The following RGS6 variants were observed in gnomAD, a reference collection of about 807,000 sequenced individuals.
The protein encoded by RGS6 is regulator of G protein signaling 6, also known as regulator of G-protein signaling 6.
In RGS6, 30 loss-of-function variants were observed where a neutral mutation model predicts 78.5. That is an observed-to-expected ratio of 0.38 (90% CI 0.29 to 0.52). The LOEUF is 0.52. RGS6 is among the 20% of genes least tolerant of loss of function. RGS6 has a pLI of 0.85. For synonymous variants in RGS6, 206 were observed against 206.0 expected (o/e 1.00, Z 0.00); for missense variants, 495 against 609.7 (o/e 0.81, Z 1.98).
intron 2 of RGS6, among the ~76,000 whole-genome samples, chr14:72,136,137 G>A (rs2096435401): frequency 6.6e-6 from 1 of 152,088 alleles, no homozygotes. Context: ...ACTTGCTTAA[G>A]TCATCGATGC....
intron 2 of RGS6, among the ~76,000 whole-genome samples, chr14:72,257,427 A>AGAC (rs2057302678): frequency 6.6e-6 from 1 of 152,176 alleles, no homozygotes; most frequent in Non-Finnish European, 1.5e-5. Context: ...TATCAGGTCT[A>AGAC]GGAGTCTTTT....
At chr14:71,992,663 C>T (rs970337147) in intron 2 of RGS6, among the ~76,000 whole-genome samples, 12 of 152,100 alleles carry the variant, frequency 7.9e-5, no homozygotes, top group African/African-American at 2.2e-4. Flanking sequence ...TTTTTACGCA[C>T]GTTAGTAATT....
intron 2 of RGS6, among the ~76,000 whole-genome samples, chr14:72,268,827 C>T (rs1188272530): frequency 6.6e-6 from 1 of 152,176 alleles, no homozygotes; most frequent in African/African-American, 2.4e-5. Context: ...AATATTCCAC[C>T]TGACACATTA....
intron 2 of RGS6, among the ~76,000 whole-genome samples, chr14:72,046,831 A>G (rs530355975): frequency 7.2e-5 from 11 of 152,226 alleles, no homozygotes; most frequent in Non-Finnish European, 1.2e-4. Flanking sequence ...TCGAGTACCA[A>G]CATGGCAAGA....
At chr14:71,984,298 TA>T (rs59180817) in intron 2 of RGS6, among the ~76,000 whole-genome samples, 1,448 of 119,892 alleles carry the variant, frequency 0.012, 16 homozygotes, top group African/African-American at 0.038. Context: ...TGAATTATGT[TA>T]AAAAAAAAAA....
chr14:72,268,357 C>CTTCAT (rs540869716), intron 2 of RGS6, among the ~76,000 whole-genome samples: 82 of 152,210 alleles, frequency 5.4e-4, no homozygotes, highest in East Asian at 4.2e-3. Context: ...TCTTTCTTTC[C>CTTCAT]TTCATTTCAT....
At chr14:72,534,267 A>T (rs2153493297) in intron 15 of RGS6, among the ~76,000 whole-genome samples, 1 of 152,336 alleles carries the variant, frequency 6.6e-6, no homozygotes, top group South Asian at 2.1e-4. Context: ...TAATTAAGGT[A>T]TGTACCTTGT....
intron 2 of RGS6, among the ~76,000 whole-genome samples, chr14:71,980,382 T>C (rs2094386553): frequency 1.3e-5 from 2 of 151,666 alleles, no homozygotes; most frequent in African/African-American, 4.9e-5. Flanking sequence ...TTTGGTATGA[T>C]TTTGCAGCGG....
downstream of RGS6, among the ~76,000 whole-genome samples, chr14:72,569,067 A>G (rs2153560512): frequency 6.6e-6 from 1 of 152,172 alleles, no homozygotes; most frequent in South Asian, 2.1e-4. Flanking sequence ...CTCAGTAGAG[A>G]ACAGTGAATA....
chr14:72,442,831 T>C (rs903021357), intron 3 of RGS6, among the ~76,000 whole-genome samples: 1 of 152,208 alleles, frequency 6.6e-6, no homozygotes, highest in African/African-American at 2.4e-5. Context: ...GCAAAGGGCT[T>C]AGCTGTAGCT....
At chr14:72,579,893 A>C in the RGS6 span, among the ~76,000 whole-genome samples, 1 of 152,208 alleles carries the variant, frequency 6.6e-6, no homozygotes, top group African/African-American at 2.4e-5. Flanking sequence ...AAAGGGTTCA[A>C]AGAATAGGTG....
At chr14:72,318,089 G>A (rs1010064915) in intron 2 of RGS6, among the ~76,000 whole-genome samples, 1 of 152,132 alleles carries the variant, frequency 6.6e-6, no homozygotes, top group South Asian at 2.1e-4. Flanking sequence ...ACACAGCTGG[G>A]AATGCCAACC....
intron 2 of RGS6, among the ~76,000 whole-genome samples, chr14:71,965,563 G>A (rs1351275421): frequency 6.6e-6 from 1 of 152,232 alleles, no homozygotes; most frequent in Admixed American, 6.5e-5. Flanking sequence ...CTTGGACATA[G>A]GATGCATTAC....
At chr14:72,429,748 A>G (rs1348310208) in intron 3 of RGS6, among the ~76,000 whole-genome samples, 1 of 152,246 alleles carries the variant, frequency 6.6e-6, no homozygotes, top group Admixed American at 6.5e-5. Context: ...GACAGCTGAT[A>G]TGATTAGGCT....
intron 12 of RGS6, among the ~76,000 whole-genome samples, chr14:72,486,516 G>A (rs2096490917): frequency 6.6e-6 from 1 of 152,024 alleles, no homozygotes; most frequent in Non-Finnish European, 1.5e-5. Context: ...ACCCATTTTG[G>A]AGTACTCACC....
intron 3 of RGS6, among the ~76,000 whole-genome samples, chr14:72,429,158 T>G (rs2094534090): frequency 6.6e-6 from 1 of 152,164 alleles, no homozygotes; most frequent in Admixed American, 6.5e-5. Context: ...GCCAAGATCA[T>G]GCCACTGCAC....
At chr14:72,166,149 G>A (rs1025669365) in intron 2 of RGS6, among the ~76,000 whole-genome samples, 1 of 148,450 alleles carries the variant, frequency 6.7e-6, no homozygotes, top group Admixed American at 6.8e-5. Context: ...GACTGACTTT[G>A]TTATTCCTTA....
the RGS6 span, among the ~76,000 whole-genome samples, chr14:72,609,432 A>G: frequency 6.6e-6 from 1 of 152,204 alleles, no homozygotes; most frequent in Non-Finnish European, 1.5e-5. Context: ...GGAGATTGTC[A>G]CAATCTGCCA....
chr14:71,913,346 G>C, the RGS6 span, among the ~76,000 whole-genome samples: 1 of 152,214 alleles, frequency 6.6e-6, no homozygotes, highest in Non-Finnish European at 1.5e-5. Flanking sequence ...CCCTTCTGCA[G>C]AGTCTGTACT....
Sources: gnomAD v4.1 joint callset for allele counts (sites outside exome capture counted in the v4.1 genomes callset) on GRCh38, gnomAD v4.1.1 for gene constraint, MANE v1.5 for transcripts, NCBI Gene and HGNC (gene_info 2026-07-23, HGNC 2026-07-21) for gene names.